The following TSNARE1 variants were observed in gnomAD, a reference collection of about 807,000 sequenced individuals.
TSNARE1 encodes t-SNARE domain containing 1, also known as t-SNARE domain-containing protein 1.
TSNARE1 carries 49 observed loss-of-function variants against 62.0 expected under a neutral mutation model. The ratio of observed to expected loss-of-function variants is 0.79; its 90% CI spans 0.63 to 1.00. The LOEUF is 1.00. Ranked by LOEUF, TSNARE1 falls within the 50% of genes least tolerant of loss-of-function variation. TSNARE1 has a pLI of 0.00. For missense variants in TSNARE1, 755 were observed against 700.1 expected, an observed-to-expected ratio of 1.08 and a Z score of -0.88; for synonymous variants, 328 against 294.4, an observed-to-expected ratio of 1.11 and a Z score of -1.17.
intron 12 of TSNARE1, among the ~76,000 whole-genome samples, chr8:142,238,060 C>T (rs565574034): frequency 4.6e-5 from 7 of 152,220 alleles, no homozygotes; most frequent in Admixed American, 2.6e-4. Flanking sequence ...GAAGCACATC[C>T]GCTTCACCTA....
intron 10 of TSNARE1, chr8:142,300,093 A>G (rs1825464419): frequency 6.1e-6 from 1 of 163,642 alleles, no homozygotes; most frequent in Non-Finnish European, 1.3e-5. Context: ...CAACCTTTCA[A>G]AAAAAAGTTA....
chr8:142,381,119 G>A (rs1353804163), intron 1 of TSNARE1, among the ~76,000 whole-genome samples: 1 of 152,210 alleles, frequency 6.6e-6, no homozygotes, highest in Non-Finnish European at 1.5e-5. Context: ...CCCAACTGCT[G>A]GGCTCCAAAT....
intron 9 of TSNARE1, among the ~76,000 whole-genome samples, chr8:142,310,289 C>T (rs1303706548): frequency 6.6e-6 from 1 of 152,164 alleles, no homozygotes. Flanking sequence ...TCTGATGATG[C>T]GAGGACGTCA....
intron 1 of TSNARE1, among the ~76,000 whole-genome samples, chr8:142,390,272 G>A (rs139614743): frequency 0.025 from 3,583 of 145,378 alleles, 137 homozygotes; most frequent in African/African-American, 0.087. Flanking sequence ...TGGGGACTCC[G>A]TAACAGACGC....
At chr8:142,365,639 G>C (rs35709395) in intron 1 of TSNARE1, among the ~76,000 whole-genome samples, 23,152 of 144,292 alleles carry the variant, frequency 0.16, 1,877 homozygotes, top group East Asian at 0.29. Context: ...CACACAGAGA[G>C]AGAGAGGGGA....
chr8:142,386,266 C>CATTATT (rs1171993704), intron 1 of TSNARE1, among the ~76,000 whole-genome samples: 1 of 152,100 alleles, frequency 6.6e-6, no homozygotes, highest in Non-Finnish European at 1.5e-5. Flanking sequence ...AATGGGAGAA[C>CATTATT]ATTATTCTGG....
chr8:142,239,957 T>C (rs1056713247), intron 12 of TSNARE1, among the ~76,000 whole-genome samples: 2 of 152,152 alleles, frequency 1.3e-5, no homozygotes, highest in African/African-American at 2.4e-5. Flanking sequence ...ATAAAGAAGC[T>C]TTCAGACATC....
chr8:142,250,070 C>T (rs2130271441), intron 12 of TSNARE1, among the ~76,000 whole-genome samples: 1 of 152,312 alleles, frequency 6.6e-6, no homozygotes, highest in East Asian at 1.9e-4. Context: ...CCATGCCCTT[C>T]TTCAGAGTGC....
intron 1 of TSNARE1, among the ~76,000 whole-genome samples, chr8:142,390,621 C>A (rs1432722613): frequency 4.0e-5 from 1 of 25,178 alleles, no homozygotes. Context: ...CCATAGCAGA[C>A]GCTGTACACT....
chr8:142,241,342 C>CT (rs1817660601), intron 12 of TSNARE1, among the ~76,000 whole-genome samples: 1 of 152,032 alleles, frequency 6.6e-6, no homozygotes, highest in African/African-American at 2.4e-5. Flanking sequence ...ATTACAAAAC[C>CT]TTAATGAAGA....
intron 1 of TSNARE1, among the ~76,000 whole-genome samples, chr8:142,397,480 A>G (rs1427177168): frequency 2.0e-5 from 3 of 152,188 alleles, no homozygotes; most frequent in Non-Finnish European, 4.4e-5. Context: ...GGGCCAAGTG[A>G]CATGGCCAGG....
intron 1 of TSNARE1, among the ~76,000 whole-genome samples, chr8:142,368,018 A>C (rs138511938): frequency 1.7e-3 from 266 of 152,282 alleles, no homozygotes; most frequent in African/African-American, 6.1e-3. Flanking sequence ...ACCTCTATGT[A>C]GGGAAAAGTT....
chr8:142,275,848 A>G (rs1457433095), intron 11 of TSNARE1: 1 of 919,338 alleles, frequency 1.1e-6, no homozygotes, highest in Non-Finnish European at 1.3e-6. Flanking sequence ...TGCCAGGCAC[A>G]GCCTGGCACG....
At chr8:142,404,320 TG>T (rs1165108617), upstream of TSNARE1, 1 of 4,984 alleles carries the variant, frequency 2.0e-4, no homozygotes, top group Non-Finnish European at 5.1e-4. Context: ...TGCGTGGTAC[TG>T]TGTGCACACA....
intron 7 of TSNARE1, among the ~76,000 whole-genome samples, chr8:142,317,153 G>A (rs1307690312): frequency 1.3e-5 from 2 of 151,498 alleles, no homozygotes; most frequent in Admixed American, 1.3e-4. Flanking sequence ...CATGAAGCGG[G>A]TATGGCCAGC....
intron 12 of TSNARE1, chr8:142,270,482 A>T (rs1278170219): frequency 2.1e-5 from 2 of 94,884 alleles, no homozygotes; most frequent in Non-Finnish European, 2.6e-5. Flanking sequence ...ATATATAGGC[A>T]TATATATATA....
chr8:142,359,550 GC>G (rs1835005420), intron 1 of TSNARE1, among the ~76,000 whole-genome samples: 1 of 152,194 alleles, frequency 6.6e-6, no homozygotes, highest in Non-Finnish European at 1.5e-5. Context: ...CGCTCACGTC[GC>G]TGGATGCCAC....
intron 1 of TSNARE1, among the ~76,000 whole-genome samples, chr8:142,378,168 G>A (rs571277851): frequency 1.4e-4 from 22 of 152,324 alleles, no homozygotes; most frequent in Admixed American, 1.2e-3. Context: ...AACAGCCCAG[G>A]ACACAGGACA....
chr8:142,225,100 G>A (rs1374935110), intron 13 of TSNARE1, among the ~76,000 whole-genome samples: 1 of 152,042 alleles, frequency 6.6e-6, no homozygotes, highest in Non-Finnish European at 1.5e-5. Flanking sequence ...AAGGCCCACT[G>A]TGCCCCTCCA....
Sources: allele counts gnomAD v4.1 joint callset (sites outside exome capture counted in the v4.1 genomes callset), GRCh38; gene constraint gnomAD v4.1.1; transcripts MANE v1.5; gene names NCBI Gene and HGNC (gene_info 2026-07-23, HGNC 2026-07-21).